The following PTPRD variants were observed in gnomAD, a reference collection of about 807,000 sequenced individuals.
PTPRD encodes protein tyrosine phosphatase receptor type D.
In PTPRD, 34 loss-of-function variants were observed where a neutral mutation model predicts 214.5. The observed-to-expected ratio is 0.16, with a 90% CI of 0.12 to 0.21. The LOEUF is 0.21. PTPRD is among the 10% of genes least tolerant of loss of function. PTPRD has a pLI of 1.00. For missense variants in PTPRD, 2,545 were observed against 2,398.7 expected (o/e 1.06, Z -1.27); for synonymous variants, 1,128 against 845.7 (o/e 1.33, Z -5.79).
At chr9:10,226,935 G>C (rs1264015143) in intron 3 of PTPRD, among the ~76,000 whole-genome samples, 1 of 151,816 alleles carries the variant, frequency 6.6e-6, no homozygotes. Context: ...TATAGAATTA[G>C]AACAAGAAAT....
intron 5 of PTPRD, among the ~76,000 whole-genome samples, chr9:9,793,572 G>C (rs2098981840): frequency 1.3e-5 from 2 of 151,936 alleles, no homozygotes; most frequent in Non-Finnish European, 2.9e-5. Context: ...GATTATCTCT[G>C]TTAGTAAAAA....
intron 7 of PTPRD, among the ~76,000 whole-genome samples, chr9:9,691,883 A>C (rs1385620930): frequency 1.3e-5 from 2 of 151,974 alleles, no homozygotes; most frequent in African/African-American, 4.8e-5. Flanking sequence ...CAATGATGTT[A>C]AACATTTTTT....
At position 10,426,675 on chromosome 9, in the gene PTPRD, G is replaced by T. The variant is rs560351891; in HGVS notation, c.-599-85658C>A. ...GCAGAATCAACAATCCAAAGTAAGG[G>T]CCAACTTCTCGGATGCTAACAATGC... On this transcript the variant is annotated intron_variant, in intron 2 of 45. Coordinates refer to ENST00000381196, the MANE Select transcript of PTPRD (RefSeq NM_002839.4). Among the ~76,000 whole-genome samples, 467 of 152,154 alleles carry T rather than the reference G, an allele frequency of 3.1e-3. 2 individuals carry two copies. Among genetic ancestry groups the T allele is most frequent in the African/African-American group, 0.01 (428 of 41,540 alleles).
intron 8 of PTPRD, among the ~76,000 whole-genome samples, chr9:9,420,145 C>A (rs192132982): frequency 5.3e-5 from 8 of 151,340 alleles, no homozygotes; most frequent in African/African-American, 1.2e-4. Context: ...TAAAGTTTAC[C>A]CAAAATTATC....
intron 8 of PTPRD, among the ~76,000 whole-genome samples, chr9:9,507,304 T>C (rs1243543741): frequency 6.6e-6 from 1 of 151,270 alleles, no homozygotes; most frequent in Non-Finnish European, 1.5e-5. Context: ...TGGGATTAAA[T>C]TTGTTATATA....
In PTPRD at chr9:10,066,143, C is replaced by CT. The variant is rs553837980; in HGVS notation, c.-544-32354dup. Among the ~76,000 whole-genome samples the CT allele has an allele frequency of 4.4e-3, 669 of 150,938 alleles. 3 individuals are homozygous for CT. The highest frequency in any genetic ancestry group is 0.015 in the African/African-American group (612 of 41,140). The stretch of plus-strand genomic sequence containing the variant: ...GTCTTTTTGCCAATTCTGCAGGATA[C>CT]TTTTTTTTTATTTTTAAGGCAACAA... On this transcript the variant is annotated intron_variant, in intron 3 of 45. Transcript: ENST00000381196.
At chr9:8,414,999 C>T (rs1003818801) in intron 35 of PTPRD, among the ~76,000 whole-genome samples, 3 of 144,188 alleles carry the variant, frequency 2.1e-5, no homozygotes, top group African/African-American at 5.2e-5. Context: ...GCAGTCTCTG[C>T]TAAAAAGTAA....
In PTPRD at chr9:10,259,881, C is replaced by A. The variant is rs564306091; in HGVS notation, c.-545+81082G>T. Among the ~76,000 whole-genome samples, 4 of 152,274 alleles carry A rather than the reference C, an allele frequency of 2.6e-5. No homozygotes were observed. In the South Asian group the frequency reaches 8.3e-4, roughly 32 times the overall value. On this transcript the variant is annotated intron_variant, in intron 3 of 45. Coordinates refer to ENST00000381196, the MANE Select transcript of PTPRD (RefSeq NM_002839.4). ...TCACACTTTTGAAGATGGCCTCCTG[C>A]ATGAACTCCCTCTGTCATACTGACC...
chr9:8,319,543 T>C (rs1825229061), intron 45 of PTPRD, among the ~76,000 whole-genome samples: 1 of 151,960 alleles, frequency 6.6e-6, no homozygotes, highest in Admixed American at 6.6e-5. Flanking sequence ...ACTATGAATA[T>C]AACGAATTTT....
chr9:10,540,176 T>G (rs1051616952), intron 2 of PTPRD, among the ~76,000 whole-genome samples: 1 of 152,100 alleles, frequency 6.6e-6, no homozygotes, highest in South Asian at 2.1e-4. Context: ...ACAACTGGCG[T>G]GCACCACTAT....
chr9:9,473,806 G>A (rs891971035), intron 8 of PTPRD, among the ~76,000 whole-genome samples: 4 of 108,780 alleles, frequency 3.7e-5, no homozygotes, highest in East Asian at 5.6e-4. Flanking sequence ...CTTTTTGTCC[G>A]TTTTAAAATC....
intron 9 of PTPRD, among the ~76,000 whole-genome samples, chr9:9,346,962 G>C (rs1427745698): frequency 6.6e-6 from 1 of 152,018 alleles, no homozygotes; most frequent in Non-Finnish European, 1.5e-5. Flanking sequence ...TAAAGTGCTG[G>C]GATTACAGGT....
intron 34 of PTPRD, chr9:8,437,234 C>T (rs559257634): frequency 1.1e-5 from 16 of 1,522,076 alleles, no homozygotes; most frequent in Admixed American, 2.0e-5. Context: ...CCGGAATCAT[C>T]TGAACCTGCA....
At chr9:9,648,517 A>G (rs1198452554) in intron 7 of PTPRD, among the ~76,000 whole-genome samples, 2 of 152,236 alleles carry the variant, frequency 1.3e-5, no homozygotes, top group East Asian at 1.9e-4. Flanking sequence ...AATCTCAGAC[A>G]TTGATGCTGG....
At chr9:8,539,689 T>C (rs948939407) in intron 14 of PTPRD, among the ~76,000 whole-genome samples, 1 of 151,970 alleles carries the variant, frequency 6.6e-6, no homozygotes, top group Non-Finnish European at 1.5e-5. Flanking sequence ...AACCTAAATA[T>C]GACCACCAGT....
intron 3 of PTPRD, among the ~76,000 whole-genome samples, chr9:10,214,426 A>G (rs1594422894): frequency 8.2e-6 from 1 of 121,958 alleles, no homozygotes; most frequent in Non-Finnish European, 1.7e-5. Context: ...ACCAAGCCCA[A>G]CTATTTTTTT....
chr9:8,974,554 A>G (rs1291158567), intron 11 of PTPRD, among the ~76,000 whole-genome samples: 1 of 151,872 alleles, frequency 6.6e-6, no homozygotes, highest in African/African-American at 2.4e-5. Flanking sequence ...AAGGCCAAGG[A>G]GCTATTTTCA....
At chr9:10,385,048 C>G (rs968752783) in intron 2 of PTPRD, among the ~76,000 whole-genome samples, 23 of 151,798 alleles carry the variant, frequency 1.5e-4, no homozygotes, top group Non-Finnish European at 4.4e-5. Context: ...CTCACCATTC[C>G]TAACCTTACG....
At chr9:8,359,307 G>C (rs1464804167) in intron 39 of PTPRD, among the ~76,000 whole-genome samples, 1 of 151,366 alleles carries the variant, frequency 6.6e-6, no homozygotes, top group African/African-American at 2.4e-5. Flanking sequence ...AAGGGGTGGG[G>C]TCAAGCAGTT....
Sources: gnomAD v4.1 joint callset for allele counts (sites outside exome capture counted in the v4.1 genomes callset) on GRCh38, gnomAD v4.1.1 for gene constraint, MANE v1.5 for transcripts, NCBI Gene and HGNC (gene_info 2026-07-23, HGNC 2026-07-21) for gene names.